TRPM3: variants seen among roughly 807,000 people sequenced by gnomAD.
TRPM3 encodes long transient receptor potential channel 3.
In TRPM3, 77 loss-of-function variants were observed where a neutral mutation model predicts 181.2. The ratio of observed to expected loss-of-function variants is 0.42; its 90% CI spans 0.35 to 0.51. The LOEUF is 0.51. TRPM3 is among the 20% of genes least tolerant of loss of function. The probability of loss-of-function intolerance (pLI) is 0.01; values close to 1 mark genes in which losing one functional copy is unlikely to be tolerated. For synonymous variants in TRPM3, 745 were observed against 796.4 expected (o/e 0.94, Z 1.09); for missense variants, 1,759 against 2,196.7 (o/e 0.80, Z 3.98).
intron 3 of TRPM3, 66 bp downstream of exon 3, chr9:70,862,842 C>A (rs2095556086): frequency 1.3e-6 from 2 of 1,533,768 alleles, no homozygotes; most frequent in Non-Finnish European, 9.0e-7. Flanking sequence ...ATGCTCTTAA[C>A]CACCCCTTTG....
chr9:71,312,981 T>C (rs1229357563), intron 1 of TRPM3, among the ~76,000 whole-genome samples: 1 of 152,132 alleles, frequency 6.6e-6, no homozygotes, highest in Non-Finnish European at 1.5e-5. Flanking sequence ...GACATGTCAT[T>C]ATACACATTT....
intron 14 of TRPM3, among the ~76,000 whole-genome samples, chr9:70,621,607 C>T (rs1326339038): frequency 6.6e-6 from 1 of 152,124 alleles, no homozygotes; most frequent in African/African-American, 2.4e-5. Flanking sequence ...CTCAAGTGGT[C>T]CTCCCACCTC....
At chr9:70,589,974 TGCTCTTAATAA>T in intron 22 of TRPM3, among the ~76,000 whole-genome samples, 1 of 152,316 alleles carries the variant, frequency 6.6e-6, no homozygotes, top group East Asian at 1.9e-4. Flanking sequence ...TCTCTGCTCC[TGCTCTTAATAA>T]GCTATACTAC....
chr9:70,938,063 A>G (rs1175917526), intron 1 of TRPM3, among the ~76,000 whole-genome samples: 1 of 152,108 alleles, frequency 6.6e-6, no homozygotes, highest in Non-Finnish European at 1.5e-5. Context: ...AGGACTTCGA[A>G]ATCTGTTAGG....
intron 1 of TRPM3, among the ~76,000 whole-genome samples, chr9:71,300,561 T>G (rs568073476): frequency 2.9e-4 from 44 of 152,252 alleles, no homozygotes; most frequent in Non-Finnish European, 5.1e-4. Context: ...TCATGAATGG[T>G]GAATACAGCA....
At chr9:71,336,024 T>A (rs1267419188) in intron 1 of TRPM3, among the ~76,000 whole-genome samples, 1 of 152,062 alleles carries the variant, frequency 6.6e-6, no homozygotes, top group Non-Finnish European at 1.5e-5. Context: ...AACAAACTAT[T>A]AGCTTATTAA....
chr9:70,796,326 A>G (rs2087019664), intron 6 of TRPM3, among the ~76,000 whole-genome samples: 1 of 152,232 alleles, frequency 6.6e-6, no homozygotes, highest in African/African-American at 2.4e-5. Flanking sequence ...GGATGGTTGC[A>G]GTGAGGGAAA....
intron 1 of TRPM3, among the ~76,000 whole-genome samples, chr9:70,882,674 C>T (rs1284266893): frequency 6.6e-6 from 1 of 152,046 alleles, no homozygotes; most frequent in East Asian, 1.9e-4. Flanking sequence ...CTGAAAATAA[C>T]ATTATCATCC....
At chr9:70,799,995 C>G (rs1183794970) in intron 6 of TRPM3, among the ~76,000 whole-genome samples, 1 of 152,196 alleles carries the variant, frequency 6.6e-6, no homozygotes, top group Non-Finnish European at 1.5e-5. Context: ...AACTCCAATA[C>G]CACGAACTGC....
At chr9:71,322,735 G>A (rs569702693) in intron 1 of TRPM3, among the ~76,000 whole-genome samples, 1 of 152,112 alleles carries the variant, frequency 6.6e-6, no homozygotes, top group South Asian at 2.1e-4. Context: ...TGATATTTTT[G>A]GTTGATCTCT....
intron 1 of TRPM3, among the ~76,000 whole-genome samples, chr9:71,227,133 A>G (rs1393512563): frequency 6.8e-6 from 1 of 147,500 alleles, no homozygotes; most frequent in African/African-American, 2.5e-5. Context: ...AAAAAAAAAG[A>G]GAGAAATATA....
intron 1 of TRPM3, among the ~76,000 whole-genome samples, chr9:71,183,106 T>C (rs901693894): frequency 4.6e-5 from 7 of 152,162 alleles, no homozygotes; most frequent in Admixed American, 3.3e-4. Context: ...TAGTCAGGGC[T>C]TTTTGTATAT....
upstream of TRPM3, chr9:71,446,935 TGGCGC>T (rs1256271375): frequency 2.4e-6 from 3 of 1,238,004 alleles, no homozygotes; most frequent in Non-Finnish European, 3.2e-6. Context: ...GGCTCTCGGT[TGGCGC>T]TGCCTTTGCC....
intron 9 of TRPM3, among the ~76,000 whole-genome samples, chr9:70,655,333 A>G (rs1239549610): frequency 6.6e-6 from 1 of 150,430 alleles, no homozygotes; most frequent in Admixed American, 6.6e-5. Context: ...AAAAAAAAGA[A>G]AAAGAAAATG....
chr9:71,220,991 T>A (rs1028346407), intron 1 of TRPM3, among the ~76,000 whole-genome samples: 7 of 152,064 alleles, frequency 4.6e-5, no homozygotes, highest in African/African-American at 1.7e-4. Context: ...GGTAGTACAA[T>A]GTGAGACGGG....
Position 70,635,380 on chromosome 9 carries a change from T to G in TRPM3, c.1582-119A>C. On this transcript the variant is annotated intron_variant, in intron 11 of 25. Transcript: ENST00000677713. ...GGAGGGCAGTTCATTAAGATGGACCTTGTTCTAGTTGCTCAGTGTATCTGC... is the reference window on the plus strand; with the variant it reads ...GGAGGGCAGTTCATTAAGATGGACCGTGTTCTAGTTGCTCAGTGTATCTGC... 2.8e-6 allele frequency: 2 copies of G among 716,852 alleles called. 1 individual carries two copies. The highest frequency in any genetic ancestry group is 3.4e-5 in the South Asian group (2 of 59,030). The allele number at this position is 716,852 out of a possible 1,614,324, so 44.4% of individuals were successfully genotyped here.
intron 1 of TRPM3, among the ~76,000 whole-genome samples, chr9:71,154,941 C>A (rs2075909314): frequency 6.6e-6 from 1 of 152,104 alleles, no homozygotes; most frequent in Non-Finnish European, 1.5e-5. Context: ...ACACAAAAAG[C>A]ATTATCTTAA....
rs185878039 is a variant in TRPM3 at position 71,358,130 on chromosome 9, A to G, written c.183+88523T>C. ...ATATGCCAGTCATTTTATCTTCAAT[A>G]AATTTGATAAGCTTGGGTTCAGATT... On this transcript the variant is annotated intron_variant, in intron 1 of 24. Coordinates refer to the TRPM3 transcript ENST00000357533. 5.8e-4 allele frequency among the ~76,000 whole-genome samples: 89 copies of G among 152,320 alleles called. 1 individual carries two copies. The highest frequency in any genetic ancestry group is 1.8e-3 in the Admixed American group (28 of 15,288).
At chr9:71,252,204 A>G (rs2082386189) in intron 1 of TRPM3, among the ~76,000 whole-genome samples, 2 of 152,080 alleles carry the variant, frequency 1.3e-5, no homozygotes, top group South Asian at 4.1e-4. Context: ...ATTGAAACCA[A>G]TTTAACTTTT....
Sources: allele counts gnomAD v4.1 joint callset (sites outside exome capture counted in the v4.1 genomes callset), GRCh38; gene constraint gnomAD v4.1.1; transcripts MANE v1.5; gene names NCBI Gene and HGNC (gene_info 2026-07-23, HGNC 2026-07-21).